The following PADI1 variants were observed in gnomAD, a reference collection of about 807,000 sequenced individuals.
The protein encoded by PADI1 is protein-arginine deiminase type-1.
In PADI1, 65 loss-of-function variants were observed where a neutral mutation model predicts 74.8. The ratio of observed to expected loss-of-function variants is 0.87; its 90% CI spans 0.71 to 1.07. PADI1 has a LOEUF of 1.07. Ranked by LOEUF, PADI1 falls within the 50% of genes least tolerant of loss-of-function variation. The pLI, the probability that PADI1 is intolerant of heterozygous loss-of-function variation, is 0.00. For synonymous variants in PADI1, 371 were observed against 336.2 expected (o/e 1.10, Z -1.13); for missense variants, 943 against 854.0 (o/e 1.10, Z -1.30).
chr1:17,231,483 T>C (rs1569825382), intron 10 of PADI1, among the ~76,000 whole-genome samples: 1 of 152,134 alleles, frequency 6.6e-6, no homozygotes, highest in African/African-American at 2.4e-5. Context: ...GGAGCTGTGA[T>C]GGGATGCAGT....
chr1:17,243,628 G>C (rs1412129371), intron 15 of PADI1, among the ~76,000 whole-genome samples: 1 of 152,256 alleles, frequency 6.6e-6, no homozygotes, highest in South Asian at 2.1e-4. Flanking sequence ...AGACCTTGTA[G>C]GTGTGTATAT....
rs2072294501 is a variant in PADI1, at chr1:17,225,884, C to T, written c.482C>T (p.Ser161Phe). ...AACTGTGACCGGGACAATCACAGGT[C>T]CGCAGAGCCTGACCTCACCCACAGC... The part of the protein sequence containing the change: ...LVNCDRDNHR[S>F]AEPDLTHSWL... The change falls in exon 5 of 16, where the codon TCC (serine) becomes TTC (phenylalanine). Residue 161 changes from serine (S) to phenylalanine (F), a missense_variant. Coordinates refer to ENST00000375471, the MANE Select transcript of PADI1 (RefSeq NM_013358.3). 1 of 1,614,042 alleles carries T rather than the reference C, an allele frequency of 6.2e-7. No individual in the cohort carries two copies.
intron 13 of PADI1, among the ~76,000 whole-genome samples, chr1:17,239,429 G>A (rs1275416159): frequency 6.6e-6 from 1 of 152,154 alleles, no homozygotes; most frequent in Non-Finnish European, 1.5e-5. Flanking sequence ...GATGCCCAGA[G>A]CATGGCAGAC....
chr1:17,232,103 C>T (rs1392769667), intron 10 of PADI1, among the ~76,000 whole-genome samples: 1 of 152,142 alleles, frequency 6.6e-6, no homozygotes, highest in East Asian at 1.9e-4. Flanking sequence ...CCTACCACCA[C>T]GCCTGGCTAA....
At chr1:17,239,888 G>A (rs1463838843) in intron 14 of PADI1, 105 bp downstream of exon 14, 1 of 883,798 alleles carries the variant, frequency 1.1e-6, no homozygotes, top group African/African-American at 1.7e-5. Context: ...GAGCTCTCAT[G>A]GTCCTGGGGG....
At chr1:17,243,985 C>A in intron 15 of PADI1, 25 bp from the exon 16 acceptor site, 1 of 1,537,942 alleles carries the variant, frequency 6.5e-7, no homozygotes. Context: ...CAGACAGCCT[C>A]CCTCTTGCCT....
chr1:17,236,110 C>T (rs1157357201), intron 11 of PADI1, among the ~76,000 whole-genome samples: 4 of 152,188 alleles, frequency 2.6e-5, no homozygotes, highest in African/African-American at 4.8e-5. Context: ...AATTTAGCAC[C>T]TCAGGCTGCT....
intron 4 of PADI1, 120 bp downstream of exon 4, chr1:17,224,548 C>T: frequency 7.8e-6 from 6 of 773,468 alleles, no homozygotes; most frequent in Non-Finnish European, 1.3e-5. Context: ...TAGTATCCAA[C>T]CATGTAGGGA....
At chr1:17,209,237 G>A (rs540748050) in intron 1 of PADI1, among the ~76,000 whole-genome samples, 5 of 152,244 alleles carry the variant, frequency 3.3e-5, no homozygotes, top group African/African-American at 1.2e-4. Flanking sequence ...AATTTCCAGC[G>A]ACCGACAGGC....
chr1:17,222,399 T>G lies in PADI1; in HGVS notation c.202T>G (p.Trp68Gly). The G allele has an allele frequency of 6.2e-7, 1 of 1,614,156 alleles. No individual in the cohort carries two copies. Among genetic ancestry groups the G allele is most frequent in the East Asian group, 2.2e-5 (1 of 44,882 alleles). The change falls in exon 2 of 16, where the codon TGG becomes GGG. Residue 68 changes from tryptophan to glycine, a missense_variant. Coordinates refer to ENST00000375471, the MANE Select transcript of PADI1 (RefSeq NM_013358.3). ...GAAAGAGCCCATAGGCAAGGCCCGT[T>G]GGCCGCTAGACACTGATGCAGACAT... Reference protein sequence around the residue: ...RVKEPIGKARWPLDTDADMVV... With the variant: ...RVKEPIGKARGPLDTDADMVV...
chr1:17,207,059 C>T (rs1471357512), intron 1 of PADI1, among the ~76,000 whole-genome samples: 1 of 152,164 alleles, frequency 6.6e-6, no homozygotes, highest in Admixed American at 6.5e-5. Flanking sequence ...AAAAGGGTCC[C>T]TTGCAGGCCC....
intron 12 of PADI1, among the ~76,000 whole-genome samples, chr1:17,238,168 C>A (rs1216624539): frequency 1.3e-5 from 2 of 152,234 alleles, no homozygotes; most frequent in Non-Finnish European, 2.9e-5. Flanking sequence ...CCTGCCTCAG[C>A]CTCCCAAGTA....
Position 17,222,476 on chromosome 1 carries a change from A to T in PADI1, c.273+6A>T. On this transcript the variant is annotated splice_donor_region_variant and intron_variant, in intron 2 of 15. Coordinates refer to ENST00000375471, the MANE Select transcript of PADI1 (RefSeq NM_013358.3). ...AGGAATTAAAGGACTTCAAGGTAAGAGGCCACTTTCTCATAGAAAAGGGTT... is the reference window on the plus strand; with the variant it reads ...AGGAATTAAAGGACTTCAAGGTAAGTGGCCACTTTCTCATAGAAAAGGGTT... The T allele has an allele frequency of 6.2e-7, 1 of 1,608,512 alleles. No homozygotes were observed. The highest frequency in any genetic ancestry group is 8.5e-7 in the Non-Finnish European group (1 of 1,174,914).
At chr1:17,221,762 T>G (rs1013273763) in intron 1 of PADI1, among the ~76,000 whole-genome samples, 15 of 151,956 alleles carry the variant, frequency 9.9e-5, no homozygotes, top group Non-Finnish European at 1.9e-4. Flanking sequence ...GAAAGCGTAG[T>G]AGGGAGGAGG....
At chr1:17,210,978 G>T (rs1325826384) in intron 1 of PADI1, among the ~76,000 whole-genome samples, 1 of 152,224 alleles carries the variant, frequency 6.6e-6, no homozygotes, top group African/African-American at 2.4e-5. Context: ...ATGGCCACAT[G>T]TGAGGAGCTT....
rs142259163 is a variant in PADI1 at position 17,222,363 on chromosome 1, C to T, written c.166C>T (p.Arg56Cys). The T allele has an allele frequency of 1.3e-4, 202 of 1,613,854 alleles. No individual in the cohort carries two copies. The highest frequency in any genetic ancestry group is 9.9e-4 in the Middle Eastern group (6 of 6,084). The change falls in exon 2 of 16, where the codon CGC becomes TGC. Residue 56 changes from arginine to cysteine, a missense_variant. Arg to Cys is a radical substitution (Grantham distance 180). Coordinates refer to ENST00000375471, the MANE Select transcript of PADI1 (RefSeq NM_013358.3). ...SGVEVFMVYN[R>C]TRVKEPIGKA... ...GGTGGAGGTCTTCATGGTCTACAAC[C>T]GCACACGTGTGAAAGAGCCCATAGG...
At chr1:17,232,661 G>T (rs1284704662) in intron 10 of PADI1, among the ~76,000 whole-genome samples, 158 bp from the exon 11 acceptor site, 1 of 152,086 alleles carries the variant, frequency 6.6e-6, no homozygotes, top group Non-Finnish European at 1.5e-5. Flanking sequence ...GCAGAGCCCA[G>T]GGGGGATTTG....
At chr1:17,241,474 A>C in intron 15 of PADI1, among the ~76,000 whole-genome samples, 1 of 151,622 alleles carries the variant, frequency 6.6e-6, no homozygotes, top group Admixed American at 6.6e-5. Flanking sequence ...GAATGTCGGA[A>C]TCGGGATGGA....
At chr1:17,227,054 G>T (rs974782561) in intron 6 of PADI1, among the ~76,000 whole-genome samples, 16 of 149,586 alleles carry the variant, frequency 1.1e-4, no homozygotes, top group South Asian at 2.1e-4. Context: ...AAAATTAGCT[G>T]GGTGTGGAGA....
Sources: gnomAD v4.1 joint callset for allele counts (sites outside exome capture counted in the v4.1 genomes callset) on GRCh38, gnomAD v4.1.1 for gene constraint, MANE v1.5 for transcripts, NCBI Gene and HGNC (gene_info 2026-07-23, HGNC 2026-07-21) for gene names.